RGMA: variants seen among roughly 807,000 people sequenced by gnomAD.
The protein encoded by RGMA is repulsive guidance molecule BMP co-receptor a, also known as repulsive guidance molecule A.
In RGMA, 10 loss-of-function variants were observed where a neutral mutation model predicts 23.2. The observed-to-expected ratio is 0.43, with a 90% CI of 0.27 to 0.73. The LOEUF (loss-of-function observed/expected upper bound fraction) is 0.73, where lower values mean the gene tolerates loss of function less well. Ranked by LOEUF, RGMA falls within the 30% of genes least tolerant of loss-of-function variation. The pLI, the probability that RGMA is intolerant of heterozygous loss-of-function variation, is 0.20. For synonymous variants in RGMA, 308 were observed against 279.3 expected (o/e 1.10, Z -1.03); for missense variants, 547 against 630.5 (o/e 0.87, Z 1.42).
intron 1 of RGMA, chr15:93,088,632 G>A: frequency 2.0e-6 from 2 of 1,001,796 alleles, no homozygotes; most frequent in Non-Finnish European, 2.5e-6. Context: ...CTCCCAGCCC[G>A]CACACGGTGT....
intron 2 of RGMA, among the ~76,000 whole-genome samples, chr15:93,063,848 G>A (rs1596095118): frequency 6.6e-6 from 1 of 152,204 alleles, no homozygotes; most frequent in African/African-American, 2.4e-5. Context: ...GTGGGGGTCA[G>A]TTGGGGTGCT....
chr15:93,056,612 C>T (rs1450161236), intron 2 of RGMA, among the ~76,000 whole-genome samples: 1 of 152,178 alleles, frequency 6.6e-6, no homozygotes, highest in Non-Finnish European at 1.5e-5. Context: ...CCTCTGTAGG[C>T]TTCAGGACCC....
chr15:93,082,461 A>T (rs1895574006), intron 1 of RGMA, among the ~76,000 whole-genome samples: 1 of 152,224 alleles, frequency 6.6e-6, no homozygotes. Context: ...TTGTCTAAGG[A>T]CCATAAATAC....
intron 2 of RGMA, among the ~76,000 whole-genome samples, chr15:93,064,487 G>A (rs570976324): frequency 1.3e-5 from 2 of 152,270 alleles, no homozygotes; most frequent in East Asian, 1.9e-4. Flanking sequence ...CAATGCTGCC[G>A]GCAGGCAGGC....
chr15:93,074,124 GA>G, intron 1 of RGMA: 2 of 765,710 alleles, frequency 2.6e-6, no homozygotes, highest in Non-Finnish European at 3.5e-6. Context: ...TCTTTTGGAT[GA>G]AACACAAATA....
At chr15:93,056,230 GCC>G (rs2055010964) in intron 2 of RGMA, among the ~76,000 whole-genome samples, 1 of 152,218 alleles carries the variant, frequency 6.6e-6, no homozygotes, top group South Asian at 2.1e-4. Context: ...AGCCGGGCCA[GCC>G]CGGAGTGTGT....
rs1895690241 is a variant in RGMA, at chr15:93,089,009, C to T, written c.-77G>A. 8.9e-6 allele frequency: 9 copies of T among 1,012,344 alleles called. No individual in the cohort carries two copies. The highest frequency in any genetic ancestry group is 1.1e-5 in the Non-Finnish European group (8 of 752,628). The allele number at this position is 1,012,344 out of a possible 1,614,324, so 62.7% of individuals were successfully genotyped here. A position where few individuals can be genotyped will look rare whatever the true frequency, so the allele number is the denominator to read the frequency against. ...GGGGTGTCGGGGCGCCGCTCGTCTG[C>T]CCCGGGGCAAGGTGGGAGGGGCTCC... On this transcript the variant is annotated 5_prime_UTR_variant, in exon 1 of 4. Transcript: ENST00000329082.
chr15:93,056,153 T>C (rs1386646790), intron 2 of RGMA, among the ~76,000 whole-genome samples: 2 of 152,136 alleles, frequency 1.3e-5, no homozygotes, highest in Non-Finnish European at 2.9e-5. Flanking sequence ...CCACTTTGAG[T>C]AGTGAGGCTT....
At chr15:93,088,500 C>T in intron 1 of RGMA, 5 of 993,246 alleles carry the variant, frequency 5.0e-6, no homozygotes, top group Non-Finnish European at 6.0e-6. Flanking sequence ...CCAGGCAGCT[C>T]CGCAGCCGGG....
In RGMA at chr15:93,047,932, G is replaced by A. The variant is rs1266796830; in HGVS notation, c.646-2227C>T. On this transcript the variant is annotated intron_variant, in intron 3 of 3. Transcript: ENST00000329082. ...CACAGAAGGACCTCAGCTCAGGCAGGAGAGTCGCAGGAAGGTGGAAGGTGG... is the reference window on the plus strand; with the variant it reads ...CACAGAAGGACCTCAGCTCAGGCAGAAGAGTCGCAGGAAGGTGGAAGGTGG... Among the ~76,000 whole-genome samples, 5 of 152,206 alleles carry A rather than the reference G, an allele frequency of 3.3e-5. No homozygotes were observed. The East Asian group carries it at 9.6e-4, about 29-fold the overall frequency.
At position 93,040,432 on chromosome 15, in the gene RGMA, C is replaced by T; in HGVS notation, c.*4566G>A. ...CACCATCCCTTAAACTCCCCCTTTG[C>T]TGCTGCTGCTCTAGGGCTGTTACAC... On this transcript the variant is annotated 3_prime_UTR_variant, in exon 4 of 4. Coordinates refer to ENST00000329082, the MANE Select transcript of RGMA (RefSeq NM_020211.3). 1 of 152,790 alleles carries T rather than the reference C, an allele frequency of 6.5e-6. No individual in the cohort carries two copies. Among genetic ancestry groups the T allele is most frequent in the Non-Finnish European group, 1.5e-5 (1 of 68,426 alleles). The allele number at this position is 152,790 out of a possible 1,614,324, so 9.5% of individuals were successfully genotyped here.
intron 2 of RGMA, among the ~76,000 whole-genome samples, chr15:93,067,918 G>A (rs544879306): frequency 2.0e-5 from 3 of 152,228 alleles, no homozygotes; most frequent in South Asian, 2.1e-4. Flanking sequence ...GCAGCAAGGT[G>A]ACAGAGGGAA....
Position 93,086,041 on chromosome 15 carries a change from A to G in RGMA, c.14+2878T>C, listed in dbSNP as rs182833343. Among the ~76,000 whole-genome samples the G allele has an allele frequency of 6.6e-5, 10 of 152,334 alleles. No individual in the cohort carries two copies. The East Asian group carries it at 1.5e-3, about 23-fold the overall frequency. On this transcript the variant is annotated intron_variant, in intron 1 of 3. Transcript: ENST00000329082. Reference sequence around the variant, plus strand: ...AGCAGTCATTTGCTCAAAATAAGAAAAAGAGGAGCCTGTCTTTTGGATAGG... The same window carrying G: ...AGCAGTCATTTGCTCAAAATAAGAAGAAGAGGAGCCTGTCTTTTGGATAGG...
At chr15:93,055,166 AG>A (rs1363822125) in intron 2 of RGMA, among the ~76,000 whole-genome samples, 1 of 152,112 alleles carries the variant, frequency 6.6e-6, no homozygotes, top group African/African-American at 2.4e-5. Flanking sequence ...ATCAACCGGA[AG>A]GAACACTGGT....
rs905318571 is a variant in RGMA at position 93,037,574 on chromosome 15, A to T, written c.*7424T>A. 1 of 152,278 alleles carries T rather than the reference A, an allele frequency of 6.6e-6. No homozygotes were observed. Among genetic ancestry groups the T allele is most frequent in the Non-Finnish European group, 1.5e-5 (1 of 68,084 alleles). 9.4% of individuals were successfully genotyped at this position (152,278 alleles called of 1,614,324 possible). On this transcript the variant is annotated 3_prime_UTR_variant, in exon 4 of 4. Transcript: ENST00000329082. The surrounding 1 kb of genome is among the most constrained non-coding windows in gnomAD (Gnocchi z 4.3). ...CAGCATGGCCCCGAGCCAGCTCACC[A>T]GGGTAATAAACTGCCACAAGCCCCT...
At chr15:93,082,178 A>G (rs529354015) in intron 1 of RGMA, among the ~76,000 whole-genome samples, 1 of 152,334 alleles carries the variant, frequency 6.6e-6, no homozygotes, top group South Asian at 2.1e-4. Context: ...ATGGACAGGA[A>G]CTATTGTTTG....
In RGMA at chr15:93,039,686, G is replaced by T. The variant is rs998021135; in HGVS notation, c.*5312C>A. 1 of 152,074 alleles carries T rather than the reference G, an allele frequency of 6.6e-6. No homozygotes were observed. Among genetic ancestry groups the T allele is most frequent in the African/African-American group, 2.4e-5 (1 of 41,358 alleles). 9.4% of individuals were successfully genotyped at this position (152,074 alleles called of 1,614,324 possible). ...TTGTGTTAGTTTGCTGAGAATGATG[G>T]TTTCCAGCTTCATCCATGTCCCTGC... On this transcript the variant is annotated 3_prime_UTR_variant, in exon 4 of 4. Coordinates refer to ENST00000329082, the MANE Select transcript of RGMA (RefSeq NM_020211.3).
At chr15:93,087,212 G>C (rs1432570214) in intron 1 of RGMA, among the ~76,000 whole-genome samples, 1 of 152,150 alleles carries the variant, frequency 6.6e-6, no homozygotes, top group Non-Finnish European at 1.5e-5. Flanking sequence ...AAGGGGCCAG[G>C]GTGCCCTTCA....
At chr15:93,054,216 C>CA (rs1230751757) in intron 2 of RGMA, among the ~76,000 whole-genome samples, 1 of 110,250 alleles carries the variant, frequency 9.1e-6, no homozygotes, top group African/African-American at 3.8e-5. Flanking sequence ...GGAGACAGAG[C>CA]AAGACTCCAT....
Sources: gnomAD v4.1 joint callset for allele counts (sites outside exome capture counted in the v4.1 genomes callset) on GRCh38, gnomAD v4.1.1 for gene constraint, Gnocchi (gnomAD v3.1) non-coding constraint, MANE v1.5 for transcripts, NCBI Gene and HGNC (gene_info 2026-07-23, HGNC 2026-07-21) for gene names.